The following CHD7 variants were observed in gnomAD, a reference collection of about 807,000 sequenced individuals.
The protein encoded by CHD7 is chromodomain helicase DNA binding protein 7.
CHD7 carries 24 observed loss-of-function variants against 307.3 expected under a neutral mutation model. The observed-to-expected ratio is 0.08, with a 90% CI of 0.06 to 0.11. CHD7 has a LOEUF of 0.11. CHD7 is among the 10% of genes least tolerant of loss of function. CHD7 has a pLI of 1.00. For missense variants in CHD7, 3,106 were observed against 3,727.1 expected, an observed-to-expected ratio of 0.83 and a Z score of 4.34; for synonymous variants, 1,363 against 1,349.9, an observed-to-expected ratio of 1.01 and a Z score of -0.21.
intron 25 of CHD7, 111 bp from the exon 26 acceptor site, chr8:60,850,382 C>G: frequency 7.5e-7 from 1 of 1,330,168 alleles, no homozygotes; most frequent in Non-Finnish European, 1.0e-6. Context: ...AACAGAGATG[C>G]TAACCTTGAC....
At chr8:60,799,434 A>G (rs1586348579) in intron 4 of CHD7, among the ~76,000 whole-genome samples, 1 of 152,224 alleles carries the variant, frequency 6.6e-6, no homozygotes, top group South Asian at 2.1e-4. Context: ...TTTAACCACT[A>G]TGGTAAAAAC....
chr8:60,820,567 T>C (rs191609567), intron 9 of CHD7, among the ~76,000 whole-genome samples: 1 of 152,350 alleles, frequency 6.6e-6, no homozygotes, highest in Admixed American at 6.5e-5. Flanking sequence ...AACACTCTTA[T>C]TTTGCTTTGC....
In CHD7 at chr8:60,827,175, C is replaced by T. The variant is rs543802979; in HGVS notation, c.3379-1488C>T. ...ATGACGAGTTAGTGGGTGCAGCGCA[C>T]CAGCATGGCACATGTATACATATGT... On this transcript the variant is annotated intron_variant, in intron 13 of 37. Coordinates refer to ENST00000423902, the MANE Select transcript of CHD7 (RefSeq NM_017780.4). Among the ~76,000 whole-genome samples the T allele has an allele frequency of 6.6e-5, 10 of 151,680 alleles. No individual in the cohort carries two copies. The East Asian group carries it at 1.4e-3, about 21-fold the overall frequency.
chr8:60,847,161 G>C (rs936454820), intron 23 of CHD7, among the ~76,000 whole-genome samples: 3 of 152,192 alleles, frequency 2.0e-5, no homozygotes, highest in African/African-American at 7.2e-5. Flanking sequence ...CTCACACTTG[G>C]CCTATCCAGA....
At chr8:60,693,460 G>A (rs1586170855) in intron 1 of CHD7, among the ~76,000 whole-genome samples, 2 of 152,222 alleles carry the variant, frequency 1.3e-5, no homozygotes, top group Admixed American at 6.5e-5. Flanking sequence ...CTTGTGGGGT[G>A]CCTTCCACAG....
chr8:60,739,068 C>T (rs900781786), intron 1 of CHD7, among the ~76,000 whole-genome samples: 2 of 152,152 alleles, frequency 1.3e-5, no homozygotes, highest in Admixed American at 6.6e-5. Context: ...CTGCCTCTGC[C>T]TCTGAGCTCA....
chr8:60,850,952 A>C (rs920230611), intron 26 of CHD7, 80 bp from the exon 27 acceptor site: 1 of 985,202 alleles, frequency 1.0e-6, no homozygotes, highest in African/African-American at 1.7e-5. Flanking sequence ...TGGGCAGATT[A>C]TTACTCTTTC....
intron 7 of CHD7, 130 bp downstream of exon 7, chr8:60,808,402 C>G (rs1240492702): frequency 3.2e-6 from 2 of 631,930 alleles, no homozygotes; most frequent in Admixed American, 3.1e-5. Context: ...CCTGGGAGGC[C>G]ATTTTTTAAC....
At chr8:60,710,897 C>G (rs866684656) in intron 1 of CHD7, among the ~76,000 whole-genome samples, 1 of 152,306 alleles carries the variant, frequency 6.6e-6, no homozygotes, top group South Asian at 2.1e-4. Context: ...AAGGGATGCA[C>G]AGGAAACTAT....
At chr8:60,715,326 C>CTTTTT (rs11376102) in intron 1 of CHD7, among the ~76,000 whole-genome samples, 1 of 125,884 alleles carries the variant, frequency 7.9e-6, no homozygotes, top group Non-Finnish European at 1.7e-5. Context: ...AGGGCTCTGC[C>CTTTTT]TTTTTTTTTT....
intron 13 of CHD7, chr8:60,825,086 T>A (rs1025509262): frequency 2.6e-5 from 4 of 152,234 alleles, no homozygotes; most frequent in Non-Finnish European, 4.4e-5. Context: ...TTTTTAATGC[T>A]AATTTCTGCA....
intron 1 of CHD7, among the ~76,000 whole-genome samples, chr8:60,686,968 A>G (rs1420245958): frequency 6.6e-6 from 1 of 152,122 alleles, no homozygotes; most frequent in African/African-American, 2.4e-5. Flanking sequence ...CGTTTTCGAG[A>G]TGGGGTCTCA....
intron 34 of CHD7, among the ~76,000 whole-genome samples, chr8:60,860,310 C>T (rs1805910849): frequency 6.6e-6 from 1 of 152,234 alleles, no homozygotes. Context: ...GACTATACCC[C>T]CCATGTTGTA....
At chr8:60,831,424 G>A (rs1804516111) in intron 15 of CHD7, among the ~76,000 whole-genome samples, 1 of 151,966 alleles carries the variant, frequency 6.6e-6, no homozygotes, top group African/African-American at 2.4e-5. Flanking sequence ...AAAACAATGA[G>A]GAACTTTCCC....
At chr8:60,778,900 GTGTT>G (rs1366952945) in intron 2 of CHD7, among the ~76,000 whole-genome samples, 1 of 152,210 alleles carries the variant, frequency 6.6e-6, no homozygotes, top group Non-Finnish European at 1.5e-5. Context: ...ATGTGTAAGA[GTGTT>G]TGTGAGGAAA....
intron 2 of CHD7, among the ~76,000 whole-genome samples, chr8:60,765,630 C>T (rs1810436824): frequency 6.6e-6 from 1 of 152,160 alleles, no homozygotes; most frequent in South Asian, 2.1e-4. Context: ...GAGCAAAGTG[C>T]CTTTGTGCGG....
chr8:60,740,950 C>T (rs1166492823), intron 1 of CHD7, among the ~76,000 whole-genome samples: 3 of 152,108 alleles, frequency 2.0e-5, no homozygotes. Flanking sequence ...TGCTGCTTCA[C>T]GTTGTGTTCT....
Position 60,808,220 on chromosome 8 carries a change from G to A in CHD7, c.2446G>A (p.Glu816Lys). 1 of 1,592,398 alleles carries A rather than the reference G, an allele frequency of 6.3e-7. No homozygotes were observed. The highest frequency in any genetic ancestry group is 8.6e-7 in the Non-Finnish European group (1 of 1,163,774). ...MSSRSVKKQK[E>K]SGEEVEIEEF... The stretch of plus-strand genomic sequence containing the variant: ...CTGAAATTTTCTTTTGTTGCAGAAG[G>A]AATCTGGAGAGGAGGTAGAAATTGA... Residue 816 changes from glutamate to lysine, a missense_variant, in exon 7 of 38, where the codon GAA becomes AAA. This residue lies in a region of CHD7 where 188 missense variants were observed against 261.7 expected (regional missense o/e 0.72). Coordinates refer to ENST00000423902, the MANE Select transcript of CHD7 (RefSeq NM_017780.4).
chr8:60,758,300 C>G (rs1809994445), intron 2 of CHD7, among the ~76,000 whole-genome samples: 1 of 151,968 alleles, frequency 6.6e-6, no homozygotes, highest in Non-Finnish European at 1.5e-5. Context: ...TTTTTTGTAT[C>G]TTTTGTGGAG....
Sources: allele counts gnomAD v4.1 joint callset (sites outside exome capture counted in the v4.1 genomes callset), GRCh38; gene constraint gnomAD v4.1.1; regional missense constraint gnomAD v4.1.1; transcripts MANE v1.5; gene names NCBI Gene and HGNC (gene_info 2026-07-23, HGNC 2026-07-21).